KLHL6: variants seen among roughly 807,000 people sequenced by gnomAD.
KLHL6 encodes the protein kelch like family member 6.
A neutral mutation model predicts 58.6 loss-of-function variants in KLHL6; 41 were observed. That is an observed-to-expected ratio of 0.70 (90% CI 0.55 to 0.91). The LOEUF (loss-of-function observed/expected upper bound fraction) is 0.91. Ranked by LOEUF, KLHL6 falls within the 40% of genes least tolerant of loss-of-function variation. The probability of loss-of-function intolerance (pLI) is 0.00; values close to 1 mark genes in which losing one functional copy is unlikely to be tolerated. For synonymous variants in KLHL6, 338 were observed against 322.7 expected, an observed-to-expected ratio of 1.05 and a Z score of -0.51; for missense variants, 714 against 805.6, an observed-to-expected ratio of 0.89 and a Z score of 1.38.
intron 3 of KLHL6, among the ~76,000 whole-genome samples, chr3:183,507,042 C>A (rs1718029081): frequency 6.6e-6 from 1 of 152,078 alleles, no homozygotes; most frequent in African/African-American, 2.4e-5. Flanking sequence ...AGGACTAGAG[C>A]AGAAGTGGGA....
chr3:183,555,203 G>A (rs1359987877), intron 1 of KLHL6, among the ~76,000 whole-genome samples, 158 bp downstream of exon 1: 1 of 152,050 alleles, frequency 6.6e-6, no homozygotes, highest in Non-Finnish European at 1.5e-5. Flanking sequence ...AATAAAGTGT[G>A]ATAGTGTCCT....
At chr3:183,495,946 T>C (rs1717701773) in intron 4 of KLHL6, among the ~76,000 whole-genome samples, 1 of 152,112 alleles carries the variant, frequency 6.6e-6, no homozygotes, top group African/African-American at 2.4e-5. Context: ...GGTTATTCAT[T>C]TGGATAAAGA....
At chr3:183,552,800 C>A (rs1486746863) in intron 1 of KLHL6, among the ~76,000 whole-genome samples, 1 of 151,190 alleles carries the variant, frequency 6.6e-6, no homozygotes, top group Non-Finnish European at 1.5e-5. Flanking sequence ...ATACGAAGAA[C>A]CCCTTTCAAA....
chr3:183,535,643 A>G (rs1712339431), intron 1 of KLHL6, among the ~76,000 whole-genome samples: 1 of 152,152 alleles, frequency 6.6e-6, no homozygotes, highest in South Asian at 2.1e-4. Flanking sequence ...TAAAGGAGGG[A>G]TGTTCCAATG....
Position 183,507,809 on chromosome 3 carries a change from G to A in KLHL6, c.909+250C>T, listed in dbSNP as rs990525684. 2.6e-5 allele frequency among the ~76,000 whole-genome samples: 4 copies of A among 152,136 alleles called. 1 individual carries two copies. The highest frequency in any genetic ancestry group is 4.1e-4 in the South Asian group (2 of 4,832). ...TTCCACAACTGGGAAGAGGAAGCAC[G>A]GGCCAGGCATGGTGCTGGGTGATTT... On this transcript the variant is annotated intron_variant, in intron 3 of 6. Transcript: ENST00000341319.
chr3:183,533,186 C>A (rs1051193524), intron 1 of KLHL6, among the ~76,000 whole-genome samples: 2 of 152,120 alleles, frequency 1.3e-5, no homozygotes, highest in Admixed American at 1.3e-4. Context: ...GGGGATTACA[C>A]CTCTAAGTCC....
Position 183,524,066 on chromosome 3 carries a change from A to C in KLHL6, c.459+3779T>G, listed in dbSNP as rs570308570. Among the ~76,000 whole-genome samples, 4 of 152,218 alleles carry C rather than the reference A, an allele frequency of 2.6e-5. No homozygotes were observed. The South Asian group carries it at 6.2e-4, about 24-fold the overall frequency. On this transcript the variant is annotated intron_variant, in intron 2 of 6. Transcript: ENST00000341319. ...GTGAGCCACTGTGCCCGGCCTCATG[A>C]GTTTTTAATAATAAAAATGAAAGTA... is the stretch of plus-strand genomic sequence containing the variant.
chr3:183,546,159 G>T (rs73884520), intron 1 of KLHL6, among the ~76,000 whole-genome samples: 4,884 of 152,264 alleles, frequency 0.032, 257 homozygotes, highest in African/African-American at 0.11. Context: ...TCACAGTTTT[G>T]CAGGGAGCAG....
chr3:183,511,196 G>T (rs1033934957), intron 2 of KLHL6, among the ~76,000 whole-genome samples: 1 of 152,218 alleles, frequency 6.6e-6, no homozygotes, highest in East Asian at 1.9e-4. Context: ...GTGAGCAAAG[G>T]AATCTGTGTC....
At chr3:183,528,557 G>A (rs995492976) in intron 1 of KLHL6, among the ~76,000 whole-genome samples, 3 of 152,162 alleles carry the variant, frequency 2.0e-5, no homozygotes, top group South Asian at 2.1e-4. Flanking sequence ...ACTCTGTCTC[G>A]CCTCTGGATT....
intron 2 of KLHL6, among the ~76,000 whole-genome samples, chr3:183,513,144 T>G (rs1364208664): frequency 6.6e-6 from 1 of 152,206 alleles, no homozygotes; most frequent in Non-Finnish European, 1.5e-5. Flanking sequence ...CACATTATTG[T>G]GATTTTTAAA....
At chr3:183,525,471 C>T (rs1247771597) in intron 2 of KLHL6, among the ~76,000 whole-genome samples, 2 of 152,158 alleles carry the variant, frequency 1.3e-5, no homozygotes, top group Non-Finnish European at 2.9e-5. Context: ...ATATGCTGTA[C>T]TTTGAAAACA....
At chr3:183,548,754 A>G (rs1712808239) in intron 1 of KLHL6, 1 of 152,372 alleles carries the variant, frequency 6.6e-6, no homozygotes, top group East Asian at 1.9e-4. Flanking sequence ...GAAAAGAGTC[A>G]GAAAGCCCAG....
chr3:183,537,643 C>T (rs1043490720), intron 1 of KLHL6, among the ~76,000 whole-genome samples: 4 of 152,024 alleles, frequency 2.6e-5, no homozygotes, highest in African/African-American at 9.7e-5. Context: ...ATCCACAGGC[C>T]CAAGAATCTC....
intron 5 of KLHL6, chr3:183,493,836 CCAAATTAGGACAGGTGCCCACA>C: frequency 1.9e-6 from 1 of 527,042 alleles, no homozygotes; most frequent in South Asian, 2.1e-5. Context: ...GGGGTTCTGT[CCAAATTAGGACAGGTGCCCACA>C]CAGACCTTCA....
chr3:183,553,318 G>A (rs1712999495), intron 1 of KLHL6, among the ~76,000 whole-genome samples: 1 of 152,152 alleles, frequency 6.6e-6, no homozygotes, highest in Admixed American at 6.6e-5. Flanking sequence ...AGCAGGGCTG[G>A]AAGGACCCAA....
At chr3:183,547,522 C>T (rs1256917379) in intron 1 of KLHL6, among the ~76,000 whole-genome samples, 1 of 152,072 alleles carries the variant, frequency 6.6e-6, no homozygotes, top group African/African-American at 2.4e-5. Flanking sequence ...AATATTTTTC[C>T]TACGGTGCTC....
chr3:183,501,473 T>G (rs974364424), intron 3 of KLHL6, among the ~76,000 whole-genome samples: 2 of 152,174 alleles, frequency 1.3e-5, no homozygotes, highest in African/African-American at 4.8e-5. Context: ...GACCCTTTCT[T>G]CACTTCCGGG....
chr3:183,528,075 C>T, intron 1 of KLHL6, 65 bp from the exon 2 acceptor site: 1 of 1,571,246 alleles, frequency 6.4e-7, no homozygotes, highest in Non-Finnish European at 8.7e-7. Flanking sequence ...AAAGAGATCC[C>T]CTTTCAGACT....
Sources: gnomAD v4.1 joint callset for allele counts (sites outside exome capture counted in the v4.1 genomes callset) on GRCh38, gnomAD v4.1.1 for gene constraint, MANE v1.5 for transcripts, NCBI Gene and HGNC (gene_info 2026-07-23, HGNC 2026-07-21) for gene names.